Variants in ANKRD26 observed in about 807,000 individuals in gnomAD.
The protein encoded by ANKRD26 is ankyrin repeat domain-containing protein 26.
ANKRD26 carries 141 observed loss-of-function variants against 208.7 expected under a neutral mutation model. The observed-to-expected ratio is 0.68, with a 90% CI of 0.59 to 0.78. ANKRD26 has a LOEUF of 0.78. ANKRD26 is among the 30% of genes least tolerant of loss of function. The pLI, the probability that ANKRD26 is intolerant of heterozygous loss-of-function variation, is 0.00. For synonymous variants in ANKRD26, 636 were observed against 660.4 expected, an observed-to-expected ratio of 0.96 and a Z score of 0.57; for missense variants, 1,889 against 1,938.7, an observed-to-expected ratio of 0.97 and a Z score of 0.48.
chr10:27,094,181 C>G (rs1316473198), intron 1 of ANKRD26, among the ~76,000 whole-genome samples: 1 of 152,110 alleles, frequency 6.6e-6, no homozygotes, highest in African/African-American at 2.4e-5. Context: ...TTTCCTGAGG[C>G]CTCCCCAACC....
At chr10:27,036,380 G>A (rs1387870215) in intron 23 of ANKRD26, among the ~76,000 whole-genome samples, 2 of 151,342 alleles carry the variant, frequency 1.3e-5, no homozygotes, top group African/African-American at 2.4e-5. Context: ...ATTTTCCCTG[G>A]GTCTTCTGAC....
chr10:27,092,089 G>C (rs1354373462), intron 4 of ANKRD26, among the ~76,000 whole-genome samples: 1 of 151,846 alleles, frequency 6.6e-6, no homozygotes, highest in Non-Finnish European at 1.5e-5. Flanking sequence ...CAAAAACATG[G>C]GTTTACAAAT....
At chr10:27,084,871 T>G (rs2056056715) in intron 5 of ANKRD26, among the ~76,000 whole-genome samples, 1 of 132,586 alleles carries the variant, frequency 7.5e-6, no homozygotes, top group Non-Finnish European at 1.7e-5. Flanking sequence ...AAACTCCATT[T>G]CAAAAAAAAA....
intron 16 of ANKRD26, among the ~76,000 whole-genome samples, chr10:27,049,928 AAAG>A (rs1564390644): frequency 1.3e-5 from 2 of 152,124 alleles, no homozygotes; most frequent in East Asian, 1.9e-4. Flanking sequence ...TTTTACTTTT[AAAG>A]AAGAATATTG....
the ANKRD26 span, among the ~76,000 whole-genome samples, chr10:26,965,945 G>A: frequency 1.3e-5 from 2 of 152,224 alleles, no homozygotes; most frequent in Middle Eastern, 6.8e-3. Context: ...ACCATCTCAT[G>A]CCAGTCAGAA....
At chr10:27,041,155 C>G (rs1343410936) in intron 20 of ANKRD26, among the ~76,000 whole-genome samples, 1 of 151,890 alleles carries the variant, frequency 6.6e-6, no homozygotes, top group Non-Finnish European at 1.5e-5. Flanking sequence ...GACATAAAGT[C>G]CAGCAGACTC....
At chr10:27,017,814 G>A (rs754676722) in intron 29 of ANKRD26, 22 bp from the exon 30 acceptor site, 1 of 1,602,316 alleles carries the variant, frequency 6.2e-7, no homozygotes, top group South Asian at 1.1e-5. Flanking sequence ...CAATAATATA[G>A]TGTAATAATG....
chr10:27,072,416 C>T (rs2055536718), intron 9 of ANKRD26, among the ~76,000 whole-genome samples: 2 of 152,360 alleles, frequency 1.3e-5, no homozygotes, highest in South Asian at 4.1e-4. Flanking sequence ...AATGGGGCCG[C>T]TCCACTGCTT....
intron 9 of ANKRD26, among the ~76,000 whole-genome samples, chr10:27,069,280 G>A (rs1461248194): frequency 1.3e-5 from 2 of 151,258 alleles, no homozygotes; most frequent in East Asian, 3.9e-4. Context: ...GACTGGATTC[G>A]TAATTTGAGG....
intron 32 of ANKRD26, among the ~76,000 whole-genome samples, chr10:27,010,099 T>A (rs2053041212): frequency 1.3e-5 from 2 of 152,204 alleles, no homozygotes; most frequent in Non-Finnish European, 2.9e-5. Context: ...TACTTCTATC[T>A]GTTTTATGTA....
At chr10:26,952,427 C>A in the ANKRD26 span, among the ~76,000 whole-genome samples, 2 of 151,998 alleles carry the variant, frequency 1.3e-5, no homozygotes, top group African/African-American at 4.8e-5. Context: ...TAAATATGCC[C>A]TTTGCTGTAG....
At chr10:26,999,807 C>CAA (rs68192322), downstream of ANKRD26, among the ~76,000 whole-genome samples, 1,021 of 74,644 alleles carry the variant, frequency 0.014, 36 homozygotes, top group South Asian at 0.1. Flanking sequence ...CAAAACCAAC[C>CAA]AAAAAAAAAA....
intron 5 of ANKRD26, among the ~76,000 whole-genome samples, chr10:27,086,220 T>C (rs1407821055): frequency 6.6e-6 from 1 of 152,118 alleles, no homozygotes; most frequent in African/African-American, 2.4e-5. Flanking sequence ...TAGTTCATTA[T>C]AATGTAATTA....
At chr10:26,990,139 T>C (rs1381350544), downstream of ANKRD26, among the ~76,000 whole-genome samples, 1 of 152,204 alleles carries the variant, frequency 6.6e-6, no homozygotes, top group South Asian at 2.1e-4. Context: ...TGCACTAATA[T>C]GGGCATCTCA....
downstream of ANKRD26, among the ~76,000 whole-genome samples, chr10:26,991,717 G>A (rs868285836): frequency 6.6e-6 from 1 of 152,128 alleles, no homozygotes; most frequent in Non-Finnish European, 1.5e-5. Flanking sequence ...CTGGGATTAC[G>A]GGTGTGAACC....
At chr10:27,085,975 T>C (rs2056101382) in intron 5 of ANKRD26, among the ~76,000 whole-genome samples, 1 of 150,520 alleles carries the variant, frequency 6.6e-6, no homozygotes, top group South Asian at 2.1e-4. Flanking sequence ...ATAATACATA[T>C]ACATAATACA....
At chr10:27,086,471 A>C (rs1554795147) in intron 5 of ANKRD26, 68 bp downstream of exon 5, 1 of 1,578,186 alleles carries the variant, frequency 6.3e-7, no homozygotes, top group South Asian at 1.1e-5. Context: ...TGTGATCAAC[A>C]CTTCCTTACT....
At chr10:26,953,323 T>A in the ANKRD26 span, among the ~76,000 whole-genome samples, 1 of 152,166 alleles carries the variant, frequency 6.6e-6, no homozygotes, top group Non-Finnish European at 1.5e-5. Flanking sequence ...CTCAGGAGGC[T>A]GAGGCAGGGA....
rs766510291 is a variant in ANKRD26, at chr10:27,044,151, C to T, written c.2019+6G>A. 5 of 1,383,036 alleles carry T rather than the reference C, an allele frequency of 3.6e-6. No homozygotes were observed. The South Asian group carries it at 6.4e-5, about 18-fold the overall frequency. 85.7% of individuals were successfully genotyped at this position (1,383,036 alleles called of 1,614,324 possible). ...AATAATTTTGATAATTTATTTTTTA[C>T]AGTACCTTGTTCTTTTCATTAGATG... On this transcript the variant is annotated splice_donor_region_variant and intron_variant, in intron 19 of 33. Coordinates refer to ENST00000376087, the MANE Select transcript of ANKRD26 (RefSeq NM_014915.3).
Sources: allele counts gnomAD v4.1 joint callset (sites outside exome capture counted in the v4.1 genomes callset), GRCh38; gene constraint gnomAD v4.1.1; transcripts MANE v1.5; gene names NCBI Gene and HGNC (gene_info 2026-07-23, HGNC 2026-07-21).